The following UGT1A7 variants were observed in gnomAD, a reference collection of about 807,000 sequenced individuals.
UGT1A7 encodes UDP glucuronosyltransferase family 1 member A7.
Under a neutral mutation model 45.6 loss-of-function variants are expected in UGT1A7, and 33 were observed. The observed-to-expected ratio is 0.72, with a 90% CI of 0.55 to 0.97. The LOEUF (loss-of-function observed/expected upper bound fraction) is 0.97. UGT1A7 is among the 50% of genes least tolerant of loss of function. The probability of loss-of-function intolerance (pLI) is 0.00; values close to 1 mark genes in which losing one functional copy is unlikely to be tolerated. For missense variants in UGT1A7, 684 were observed against 666.2 expected, an observed-to-expected ratio of 1.03 and a Z score of -0.29; for synonymous variants, 274 against 250.6, an observed-to-expected ratio of 1.09 and a Z score of -0.88.
intron 1 of UGT1A7, among the ~76,000 whole-genome samples, chr2:233,762,934 A>G (rs2126001089): frequency 6.6e-6 from 1 of 152,358 alleles, no homozygotes; most frequent in Middle Eastern, 3.4e-3. Context: ...CTCTAAAAAC[A>G]GTTGAATAAT....
chr2:233,689,196 G>A (rs17862859), intron 1 of UGT1A7, among the ~76,000 whole-genome samples: 5,768 of 152,276 alleles, frequency 0.038, 135 homozygotes, highest in Non-Finnish European at 0.059. Context: ...GGAACTGTCT[G>A]GCTGGGCAAG....
At chr2:233,743,813 T>G (rs964815042) in intron 1 of UGT1A7, 1 of 1,367,084 alleles carries the variant, frequency 7.3e-7, no homozygotes, top group South Asian at 1.1e-5. Context: ...GTTCTCAGGG[T>G]TTTTGTCGGG....
chr2:233,733,436 G>A (rs2078397447), intron 1 of UGT1A7, among the ~76,000 whole-genome samples: 1 of 152,134 alleles, frequency 6.6e-6, no homozygotes, highest in South Asian at 2.1e-4. Context: ...TATGATATTG[G>A]CTGCGGGTTT....
intron 1 of UGT1A7, among the ~76,000 whole-genome samples, chr2:233,698,597 G>C (rs966031058): frequency 6.6e-6 from 1 of 152,070 alleles, no homozygotes; most frequent in East Asian, 1.9e-4. Context: ...CAAGAAATTC[G>C]GATTAATAAA....
intron 1 of UGT1A7, among the ~76,000 whole-genome samples, chr2:233,738,306 T>C (rs181527860): frequency 9.5e-4 from 144 of 152,344 alleles, no homozygotes; most frequent in Non-Finnish European, 1.5e-3. Context: ...TATGTCTTTA[T>C]AGCAGTGTGT....
rs1386510659 is a variant in UGT1A7, at chr2:233,729,572, T to C, written c.856-37462T>C. The C allele has an allele frequency of 3.1e-6, 5 of 1,613,976 alleles. No homozygotes were observed. The Admixed American group carries it at 6.7e-5, about 22-fold the overall frequency. On this transcript the variant is annotated intron_variant, in intron 1 of 4. Transcript: ENST00000373426. ...CTGAATGCTACTTCCTTTGATGTGG[T>C]TTTAACAGACCCCGTTAACCTCTGC...
At chr2:233,723,454 C>T (rs1160822962) in intron 1 of UGT1A7, among the ~76,000 whole-genome samples, 1 of 139,308 alleles carries the variant, frequency 7.2e-6, no homozygotes, top group African/African-American at 2.8e-5. Context: ...AGGTGATCCA[C>T]CCGCCTCAGC....
At chr2:233,686,765 A>T (rs926111347) in intron 1 of UGT1A7, among the ~76,000 whole-genome samples, 5 of 151,996 alleles carry the variant, frequency 3.3e-5, no homozygotes, top group Non-Finnish European at 7.4e-5. Flanking sequence ...GCTTTATTTT[A>T]TGCAACACTC....
intron 1 of UGT1A7, chr2:233,760,655 T>C (rs1293428675): frequency 1.9e-6 from 3 of 1,614,216 alleles, no homozygotes; most frequent in South Asian, 2.2e-5. Flanking sequence ...TCTGCTATGC[T>C]TTTGTCTGGC....
intron 1 of UGT1A7, among the ~76,000 whole-genome samples, chr2:233,683,018 A>G (rs1222947231): frequency 6.6e-6 from 1 of 152,170 alleles, no homozygotes; most frequent in Non-Finnish European, 1.5e-5. Context: ...GATCATATCT[A>G]GGCTGCAATC....
chr2:233,727,133 C>G (rs1484837556), intron 1 of UGT1A7, among the ~76,000 whole-genome samples: 1 of 152,194 alleles, frequency 6.6e-6, no homozygotes, highest in African/African-American at 2.4e-5. Flanking sequence ...CAGAGGGGAA[C>G]AAGACCACAC....
intron 1 of UGT1A7, chr2:233,760,107 A>T: frequency 8.4e-7 from 1 of 1,186,456 alleles, no homozygotes; most frequent in South Asian, 1.6e-5. Flanking sequence ...GCCTATTAAG[A>T]AACCTAATAA....
intron 1 of UGT1A7, among the ~76,000 whole-genome samples, chr2:233,724,658 G>T (rs1029278749): frequency 7.0e-6 from 1 of 142,980 alleles, no homozygotes; most frequent in South Asian, 2.5e-4. Context: ...GGGAAGAGGC[G>T]CTCCTCACTT....
In UGT1A7 at chr2:233,769,594, G is replaced by A; in HGVS notation, c.1295+1155G>A. 2 of 1,612,864 alleles carry A rather than the reference G, an allele frequency of 1.2e-6. No homozygotes were observed. The highest frequency in any genetic ancestry group is 1.7e-6 in the Non-Finnish European group (2 of 1,179,872). On this transcript the variant is annotated intron_variant, in intron 4 of 4. Coordinates refer to ENST00000373426, the MANE Select transcript of UGT1A7 (RefSeq NM_019077.3). This position sits in a 1 kb window ranked among gnomAD's most constrained non-coding sequence, Gnocchi z 4.4. ...GAGCATGTTCAGATGAGAGGAGACG[G>A]AACACGGGGACACACCAGCTTGAGC... is the stretch of plus-strand genomic sequence containing the variant.
chr2:233,724,376 G>C (rs1373227000), intron 1 of UGT1A7, among the ~76,000 whole-genome samples: 7 of 128,064 alleles, frequency 5.5e-5, no homozygotes, highest in African/African-American at 1.5e-4. Flanking sequence ...GGTGGCTGCC[G>C]GGCGGAGACG....
intron 1 of UGT1A7, among the ~76,000 whole-genome samples, chr2:233,683,876 C>A (rs1233515358): frequency 6.6e-6 from 1 of 152,100 alleles, no homozygotes; most frequent in East Asian, 1.9e-4. Flanking sequence ...ATTATTCCCT[C>A]CCCTGGTATT....
chr2:233,729,585 C>G lies in UGT1A7; in HGVS notation c.856-37449C>G, dbSNP rs138617806. The G allele has an allele frequency of 8.1e-6, 13 of 1,613,966 alleles. No individual in the cohort carries two copies. In the African/African-American group the frequency reaches 1.3e-4, roughly 17 times the overall value. ...CCTTTGATGTGGTTTTAACAGACCC[C>G]GTTAACCTCTGCGCGGCAGTGCTGG... On this transcript the variant is annotated intron_variant, in intron 1 of 4. Coordinates refer to ENST00000373426, the MANE Select transcript of UGT1A7 (RefSeq NM_019077.3).
Position 233,707,673 on chromosome 2 carries a change from C to T in UGT1A7, c.855+24881C>T, listed in dbSNP as rs184821134. Among the ~76,000 whole-genome samples the T allele has an allele frequency of 1.2e-3, 184 of 152,082 alleles. 1 individual carries two copies. The highest frequency in any genetic ancestry group is 4.2e-3 in the African/African-American group (173 of 41,484). On this transcript the variant is annotated intron_variant, in intron 1 of 4. Coordinates refer to ENST00000373426, the MANE Select transcript of UGT1A7 (RefSeq NM_019077.3). ...ACCACAATTTTATTTATCCATTCTA[C>T]TGTTGATGGGCTTTGGGTTGTATCT...
At chr2:233,762,782 TCTA>T (rs770561040) in intron 1 of UGT1A7, among the ~76,000 whole-genome samples, 8 of 152,166 alleles carry the variant, frequency 5.3e-5, no homozygotes, top group Non-Finnish European at 7.4e-5. Flanking sequence ...TAGCTGATTA[TCTA>T]CTCATTACTC....
Sources: gnomAD v4.1 joint callset for allele counts (sites outside exome capture counted in the v4.1 genomes callset) on GRCh38, gnomAD v4.1.1 for gene constraint, Gnocchi (gnomAD v3.1) non-coding constraint, MANE v1.5 for transcripts, NCBI Gene and HGNC (gene_info 2026-07-23, HGNC 2026-07-21) for gene names.